The following ODR4 variants were observed in gnomAD, a reference collection of about 807,000 sequenced individuals.
ODR4 encodes protein odr-4 homolog.
In ODR4, 47 loss-of-function variants were observed where a neutral mutation model predicts 60.2. That is an observed-to-expected ratio of 0.78 (90% CI 0.62 to 1.00). The LOEUF (loss-of-function observed/expected upper bound fraction) is 1.00, where lower values mean the gene tolerates loss of function less well. Ranked by LOEUF, ODR4 falls within the 50% of genes least tolerant of loss-of-function variation. The pLI, the probability that ODR4 is intolerant of heterozygous loss-of-function variation, is 0.00. For synonymous variants in ODR4, 178 were observed against 175.5 expected (o/e 1.01, Z -0.11); for missense variants, 488 against 530.8 (o/e 0.92, Z 0.79).
rs947548821 is a variant in ODR4 at position 186,415,338 on chromosome 1, A to C, written c.1187-2206A>C. On this transcript the variant is annotated intron_variant, in intron 12 of 13. Coordinates refer to ENST00000287859, the MANE Select transcript of ODR4 (RefSeq NM_017847.6). ...AGTAAGTTTATATGTCATTCTTTTG[A>C]GCTTGTGCTCCCATATTGGGGTGCA... is the stretch of plus-strand genomic sequence containing the variant. Among the ~76,000 whole-genome samples the C allele has an allele frequency of 3.9e-5, 6 of 152,274 alleles. No individual in the cohort carries two copies. In the East Asian group the frequency reaches 1.2e-3, roughly 29 times the overall value.
At position 186,376,540 on chromosome 1, in the gene ODR4, G is replaced by T. The variant is rs547038919; in HGVS notation, c.-20+566G>T. 2.0e-5 allele frequency among the ~76,000 whole-genome samples: 3 copies of T among 152,226 alleles called. No homozygotes were observed. In the East Asian group the frequency reaches 5.8e-4, roughly 29 times the overall value. On this transcript the variant is annotated intron_variant, in intron 1 of 13. Coordinates refer to ENST00000287859, the MANE Select transcript of ODR4 (RefSeq NM_017847.6). ...TGAATTGGTGATTTAGTTCTTATAT[G>T]AAATTTATTCTTTTTCTCTAGTTCT...
chr1:186,428,591 T>G, the ODR4 span, among the ~76,000 whole-genome samples: 1 of 152,244 alleles, frequency 6.6e-6, no homozygotes, highest in South Asian at 2.1e-4. Context: ...TCCTTTGCAC[T>G]CACAACTTGG....
chr1:186,404,599 A>G (rs1339734347), intron 11 of ODR4, among the ~76,000 whole-genome samples: 1 of 152,226 alleles, frequency 6.6e-6, no homozygotes, highest in Non-Finnish European at 1.5e-5. Flanking sequence ...TTCGTGCTAC[A>G]GTACAAATTG....
intron 2 of ODR4, among the ~76,000 whole-genome samples, chr1:186,382,720 A>T (rs1381448742): frequency 6.6e-6 from 1 of 152,230 alleles, no homozygotes; most frequent in Non-Finnish European, 1.5e-5. Context: ...TAATTCATTC[A>T]CTCATCCAGT....
At chr1:186,397,112 A>T (rs1414611986) in intron 9 of ODR4, among the ~76,000 whole-genome samples, 1 of 152,230 alleles carries the variant, frequency 6.6e-6, no homozygotes, top group Non-Finnish European at 1.5e-5. Context: ...GTCCTTGACC[A>T]TCTTAAAGTT....
rs112524494 is a variant in ODR4 at position 186,377,591 on chromosome 1, A to G, written c.-20+1617A>G. 6.8e-3 allele frequency among the ~76,000 whole-genome samples: 1,033 copies of G among 152,322 alleles called. 17 individuals are homozygous for G. The highest frequency in any genetic ancestry group is 0.024 in the African/African-American group (995 of 41,568). ...AGAAGGAAAAGGAGTATAATATGAT[A>G]TAGAGGAAAGTAGATACATAGAATT... On this transcript the variant is annotated intron_variant, in intron 1 of 13. Coordinates refer to ENST00000287859, the MANE Select transcript of ODR4 (RefSeq NM_017847.6).
chr1:186,402,222 C>CTTTCTTTCTTTCTTTG (rs1661001145), intron 11 of ODR4, among the ~76,000 whole-genome samples: 1 of 149,348 alleles, frequency 6.7e-6, no homozygotes, highest in Admixed American at 6.7e-5. Context: ...TTCTTTCTTT[C>CTTTCTTTCTTTCTTTG]TTTCTTTCTT....
chr1:186,424,204 A>G (rs1329403380), downstream of ODR4, among the ~76,000 whole-genome samples: 1 of 152,212 alleles, frequency 6.6e-6, no homozygotes, highest in South Asian at 2.1e-4. Context: ...AATTTTATTC[A>G]GCAGGGAGAA....
At chr1:186,395,534 TTG>T (rs1325004900) in intron 9 of ODR4, among the ~76,000 whole-genome samples, 1 of 152,214 alleles carries the variant, frequency 6.6e-6, no homozygotes, top group African/African-American at 2.4e-5. Flanking sequence ...TTAAGTCTTA[TTG>T]ATTCCTTATT....
chr1:186,376,018 G>GTC, intron 1 of ODR4, 44 bp downstream of exon 1: 1 of 162,964 alleles, frequency 6.1e-6, no homozygotes. Context: ...GTGTGTGTGT[G>GTC]TGTGCTCTCT....
At chr1:186,381,640 C>T (rs1042700045) in intron 2 of ODR4, among the ~76,000 whole-genome samples, 26 of 152,148 alleles carry the variant, frequency 1.7e-4, no homozygotes, top group African/African-American at 6.0e-4. Flanking sequence ...GGCCTTCCTT[C>T]TATCTCTTTT....
intron 12 of ODR4, among the ~76,000 whole-genome samples, chr1:186,410,849 C>G (rs2102081869): frequency 6.6e-6 from 1 of 151,874 alleles, no homozygotes; most frequent in Non-Finnish European, 1.5e-5. Context: ...AACCCCGTCT[C>G]TACTAAAAAT....
chr1:186,379,104 A>G (rs1659915029), intron 1 of ODR4, among the ~76,000 whole-genome samples: 1 of 152,238 alleles, frequency 6.6e-6, no homozygotes, highest in East Asian at 1.9e-4. Flanking sequence ...ACTTAGCAAT[A>G]GAGTATCAAA....
intron 11 of ODR4, among the ~76,000 whole-genome samples, chr1:186,401,626 A>G (rs377221803): frequency 7.2e-6 from 1 of 138,480 alleles, no homozygotes; most frequent in East Asian, 2.1e-4. Flanking sequence ...ATGATCACAT[A>G]GTTTTTGACA....
the ODR4 span, among the ~76,000 whole-genome samples, chr1:186,432,703 C>T: frequency 6.6e-6 from 1 of 151,724 alleles, no homozygotes; most frequent in Non-Finnish European, 1.5e-5. Context: ...TCTATCTAAG[C>T]ATGTGTTTTA....
At chr1:186,425,461 G>A (rs1017243906), downstream of ODR4, among the ~76,000 whole-genome samples, 8 of 152,290 alleles carry the variant, frequency 5.3e-5, no homozygotes, top group Admixed American at 5.2e-4. Context: ...CTACCTGAGA[G>A]TGGTTCTCAA....
At chr1:186,403,664 A>G (rs1273540530) in intron 11 of ODR4, among the ~76,000 whole-genome samples, 1 of 151,626 alleles carries the variant, frequency 6.6e-6, no homozygotes, top group African/African-American at 2.4e-5. Context: ...TTTCATTGTC[A>G]GTTTAAAAAA....
intron 12 of ODR4, among the ~76,000 whole-genome samples, chr1:186,416,178 G>T (rs1661557846): frequency 6.6e-6 from 1 of 152,018 alleles, no homozygotes; most frequent in Admixed American, 6.6e-5. Context: ...GCAACGTGCT[G>T]GTCAGTGGTT....
At chr1:186,408,834 TATAAA>T (rs1661268808) in intron 12 of ODR4, among the ~76,000 whole-genome samples, 1 of 151,958 alleles carries the variant, frequency 6.6e-6, no homozygotes, top group African/African-American at 2.4e-5. Flanking sequence ...AAAAGTCAGA[TATAAA>T]AGAATAGGAA....
Sources: gnomAD v4.1 joint callset for allele counts (sites outside exome capture counted in the v4.1 genomes callset) on GRCh38, gnomAD v4.1.1 for gene constraint, MANE v1.5 for transcripts, NCBI Gene and HGNC (gene_info 2026-07-23, HGNC 2026-07-21) for gene names.